Variants in DLG2 observed in about 807,000 individuals in gnomAD.
DLG2 encodes discs large MAGUK scaffold protein 2.
In DLG2, 45 loss-of-function variants were observed where a neutral mutation model predicts 132.5. The observed-to-expected ratio is 0.34, with a 90% CI of 0.27 to 0.44. DLG2 has a LOEUF of 0.44. DLG2 is among the 20% of genes least tolerant of loss of function. The pLI, the probability that DLG2 is intolerant of heterozygous loss-of-function variation, is 1.00. For missense variants in DLG2, 1,045 were observed against 1,196.9 expected, an observed-to-expected ratio of 0.87 and a Z score of 1.87; for synonymous variants, 424 against 419.6, an observed-to-expected ratio of 1.01 and a Z score of -0.13.
chr11:85,550,465 G>A (rs1312168265), intron 3 of DLG2, among the ~76,000 whole-genome samples: 1 of 152,246 alleles, frequency 6.6e-6, no homozygotes, highest in East Asian at 1.9e-4. Context: ...TCCTGCAAGG[G>A]GTGGAATGCA....
intron 8 of DLG2, among the ~76,000 whole-genome samples, chr11:84,236,121 G>C (rs1313447322): frequency 6.6e-6 from 1 of 150,742 alleles, no homozygotes; most frequent in Non-Finnish European, 1.5e-5. Flanking sequence ...GAGAGAGTTA[G>C]TTCTCTTAGA....
intron 2 of DLG2, among the ~76,000 whole-genome samples, chr11:85,606,658 G>A (rs191081114): frequency 1.3e-3 from 197 of 152,180 alleles, no homozygotes; most frequent in African/African-American, 4.1e-3. Flanking sequence ...TTGTTCTTTC[G>A]CTCTTCACAA....
chr11:85,346,584 C>T (rs962657906), intron 3 of DLG2, among the ~76,000 whole-genome samples: 1 of 152,138 alleles, frequency 6.6e-6, no homozygotes, highest in African/African-American at 2.4e-5. Context: ...AATACGTAGA[C>T]ACTCCCAAGT....
At chr11:83,924,272 A>T (rs752817853) in intron 15 of DLG2, among the ~76,000 whole-genome samples, 2 of 152,166 alleles carry the variant, frequency 1.3e-5, no homozygotes, top group African/African-American at 4.8e-5. Context: ...CAGTTAAAAC[A>T]TTAAAGGCCC....
chr11:84,857,579 A>G (rs951858598), intron 6 of DLG2, among the ~76,000 whole-genome samples: 1 of 152,152 alleles, frequency 6.6e-6, no homozygotes, highest in Non-Finnish European at 1.5e-5. Flanking sequence ...AATGTTTTAA[A>G]TATTTTTAGT....
intron 6 of DLG2, among the ~76,000 whole-genome samples, chr11:84,694,576 G>A (rs760398166): frequency 4.0e-5 from 6 of 150,886 alleles, no homozygotes; most frequent in Non-Finnish European, 7.4e-5. Context: ...TCTCTCTGTC[G>A]ACCTACGACA....
chr11:85,573,145 GA>G (rs1193330586), intron 3 of DLG2, among the ~76,000 whole-genome samples: 2 of 152,142 alleles, frequency 1.3e-5, no homozygotes, highest in Non-Finnish European at 2.9e-5. Flanking sequence ...TCTGAAAGCT[GA>G]ACTATGTAGG....
At chr11:85,481,799 G>A (rs191378101) in intron 3 of DLG2, among the ~76,000 whole-genome samples, 2 of 152,076 alleles carry the variant, frequency 1.3e-5, no homozygotes, top group Admixed American at 6.5e-5. Flanking sequence ...AGAACCTATG[G>A]ACCCAGCCCC....
At chr11:85,273,870 G>C (rs1293142230) in intron 4 of DLG2, among the ~76,000 whole-genome samples, 1 of 152,162 alleles carries the variant, frequency 6.6e-6, no homozygotes, top group Non-Finnish European at 1.5e-5. Context: ...GTCCATCAAT[G>C]ATAGATAGGA....
At chr11:85,085,288 G>C (rs543387938) in intron 6 of DLG2, among the ~76,000 whole-genome samples, 42 of 152,126 alleles carry the variant, frequency 2.8e-4, no homozygotes, top group African/African-American at 9.9e-4. Context: ...AGCCTTTTTA[G>C]TTATGGGCTT....
At chr11:83,699,921 TCCC>T (rs1222610834) in intron 18 of DLG2, among the ~76,000 whole-genome samples, 2 of 137,782 alleles carry the variant, frequency 1.5e-5, no homozygotes, top group East Asian at 4.3e-4. Flanking sequence ...ATCTTATCTA[TCCC>T]CCCACCACAC....
At chr11:84,984,784 T>C (rs2056261052) in intron 6 of DLG2, among the ~76,000 whole-genome samples, 1 of 152,086 alleles carries the variant, frequency 6.6e-6, no homozygotes, top group Non-Finnish European at 1.5e-5. Flanking sequence ...GGTAAAGGGA[T>C]GGAAAAAGAC....
chr11:84,997,085 T>A (rs1275737972), intron 6 of DLG2: 1 of 153,116 alleles, frequency 6.5e-6, no homozygotes, highest in East Asian at 1.9e-4. Flanking sequence ...ATAATCATGG[T>A]TTGCTTCTAA....
intron 3 of DLG2, among the ~76,000 whole-genome samples, chr11:85,466,245 T>C (rs1181883158): frequency 2.0e-5 from 3 of 152,332 alleles, no homozygotes; most frequent in Non-Finnish European, 4.4e-5. Flanking sequence ...AAAAATTTTC[T>C]CCCATTCTGT....
intron 6 of DLG2, among the ~76,000 whole-genome samples, chr11:84,876,162 C>T (rs73516967): frequency 0.13 from 19,933 of 152,174 alleles, 2,311 homozygotes; most frequent in African/African-American, 0.3. Flanking sequence ...CAAGAACGCA[C>T]AGCTAATCTA....
intron 15 of DLG2, among the ~76,000 whole-genome samples, chr11:83,909,172 C>A (rs7932986): frequency 0.18 from 27,710 of 152,178 alleles, 3,034 homozygotes; most frequent in Non-Finnish European, 0.25. Context: ...TGACAATTGG[C>A]GTGAAAGCAG....
chr11:83,746,721 T>C (rs1008933111), intron 18 of DLG2, among the ~76,000 whole-genome samples: 10 of 152,004 alleles, frequency 6.6e-5, no homozygotes, highest in African/African-American at 2.4e-4. Flanking sequence ...GAACTTAAAG[T>C]ATAATAAAAA....
chr11:85,091,650 T>G (rs1245365203), intron 6 of DLG2, among the ~76,000 whole-genome samples: 1 of 152,260 alleles, frequency 6.6e-6, no homozygotes, highest in African/African-American at 2.4e-5. Context: ...GTGTCTACAA[T>G]GTTCACATCG....
intron 11 of DLG2, among the ~76,000 whole-genome samples, chr11:83,988,910 T>C (rs1014920797): frequency 1.3e-5 from 2 of 152,020 alleles, no homozygotes; most frequent in African/African-American, 4.8e-5. Flanking sequence ...ATATTTTGTT[T>C]ATATGTTTTT....
Sources: allele counts gnomAD v4.1 joint callset (sites outside exome capture counted in the v4.1 genomes callset), GRCh38; gene constraint gnomAD v4.1.1; transcripts MANE v1.5; gene names NCBI Gene and HGNC (gene_info 2026-07-23, HGNC 2026-07-21).